Variants in AADAC observed in about 807,000 individuals in gnomAD.
The protein encoded by AADAC is arylacetamide deacetylase, also known as arylacetamide deacetylase (esterase).
A neutral mutation model predicts 22.7 loss-of-function variants in AADAC; 17 were observed. The ratio of observed to expected loss-of-function variants is 0.75; its 90% CI spans 0.51 to 1.12. The LOEUF (loss-of-function observed/expected upper bound fraction) is 1.12. Ranked by LOEUF, AADAC falls within the 50% of genes most tolerant of loss-of-function variation. The pLI is 0.00. For synonymous variants in AADAC, 167 were observed against 176.3 expected (o/e 0.95, Z 0.42); for missense variants, 465 against 473.9 (o/e 0.98, Z 0.17).
At chr3:151,823,113 A>G (rs760131787) in intron 3 of AADAC, among the ~76,000 whole-genome samples, 21 of 151,808 alleles carry the variant, frequency 1.4e-4, no homozygotes, top group Non-Finnish European at 2.2e-4. Context: ...CTCCATCTCT[A>G]CTAAAAATAC....
rs1170803944 is a variant in AADAC, at chr3:151,814,132, T to C, written c.-31T>C. The C allele has an allele frequency of 6.8e-6, 11 of 1,612,414 alleles. No homozygotes were observed. Among genetic ancestry groups the C allele is most frequent in the Non-Finnish European group, 9.3e-6 (11 of 1,178,642 alleles). ...ATATCATGTAGGTTTACTTTCTGTG[T>C]TTCTAGAGACCAAGAAGCGGGACGT... is the stretch of plus-strand genomic sequence containing the variant. On this transcript the variant is annotated 5_prime_UTR_variant, in exon 1 of 5. Transcript: ENST00000232892.
rs35112108 is a variant in AADAC at position 151,828,091 on chromosome 3, T to C, written c.1119T>C (p.His373=). 8.2e-4 allele frequency: 1,321 copies of C among 1,611,712 alleles called. 16 individuals carry two copies. In the African/African-American group the frequency reaches 0.016, roughly 19 times the overall value. The part of the protein sequence containing the change: ...VTHNHVEDGF[H]GAFSFLGLKI... ...ATAACCATGTTGAGGATGGATTCCA[T>C]GGAGCATTTTCATTTCTGGGACTTA... Residue 373 remains histidine (H), a synonymous_variant, in exon 5 of 5, where the codon CAT becomes CAC. Transcript: ENST00000232892.
At chr3:151,819,973 A>G (rs767009781) in intron 2 of AADAC, among the ~76,000 whole-genome samples, 10 of 152,034 alleles carry the variant, frequency 6.6e-5, no homozygotes, top group Admixed American at 2.0e-4. Flanking sequence ...AATTCTGTCT[A>G]TATCTCCTTG....
intron 3 of AADAC, 60 bp downstream of exon 3, chr3:151,820,512 C>CTTTTT (rs368143284): frequency 4.6e-5 from 28 of 615,078 alleles, no homozygotes; most frequent in Non-Finnish European, 4.6e-5. Context: ...ATTTTCTCAG[C>CTTTTT]TTTCTTTTTT....
In AADAC at chr3:151,815,565, AAT is replaced by A. The variant is rs371250140; in HGVS notation, c.138+1268_138+1269del. Among the ~76,000 whole-genome samples, 971 of 152,024 alleles carry A rather than the reference AAT, an allele frequency of 6.4e-3. 10 individuals are homozygous for A. The highest frequency in any genetic ancestry group is 0.022 in the African/African-American group (929 of 41,536). ...CCCTCATATTTGCTGTCTGTGCTAC[AAT>A]ATGTGAGAGGTCTTTGATTTTTTTC... On this transcript the variant is annotated intron_variant, in intron 1 of 4. Transcript: ENST00000232892.
At chr3:151,821,632 G>A (rs1302789187) in intron 3 of AADAC, among the ~76,000 whole-genome samples, 4 of 151,904 alleles carry the variant, frequency 2.6e-5, no homozygotes, top group Admixed American at 1.3e-4. Flanking sequence ...GAAAATCCAA[G>A]CTTATGCTGT....
rs1172573526 is a variant in AADAC at position 151,827,955 on chromosome 3, A to G, written c.983A>G (p.Lys328Arg). The change falls in exon 5 of 5, where the codon AAA becomes AGA. Residue 328 changes from lysine (K) to arginine (R), a missense_variant. Lys to Arg is a conservative substitution (Grantham distance 26, BLOSUM62 2). Coordinates refer to ENST00000232892, the MANE Select transcript of AADAC (RefSeq NM_001086.3). ...RAAPLLADDN[K>R]LRGLPLTYVI... ...GCCCCTTTGTTGGCTGATGACAACA[A>G]ATTACGTGGCTTACCCCTGACCTAT... 3 of 1,611,264 alleles carry G rather than the reference A, an allele frequency of 1.9e-6. No individual in the cohort carries two copies. The highest frequency in any genetic ancestry group is 1.1e-5 in the South Asian group (1 of 90,804).
At chr3:151,827,434 T>G in intron 4 of AADAC, 142 bp from the exon 5 acceptor site, 1 of 483,382 alleles carries the variant, frequency 2.1e-6, no homozygotes, top group Non-Finnish European at 3.4e-6. Context: ...TGGTGGTATG[T>G]TTCATTTATT....
chr3:151,821,770 A>G (rs919117562), intron 3 of AADAC, among the ~76,000 whole-genome samples: 9 of 151,940 alleles, frequency 5.9e-5, no homozygotes, highest in African/African-American at 2.2e-4. Context: ...GAAAGATAAA[A>G]TATACTTTAA....
At position 151,817,524 on chromosome 3, in the gene AADAC, G is replaced by A; in HGVS notation, c.297G>A (p.Lys99=). 1 of 1,613,848 alleles carries A rather than the reference G, an allele frequency of 6.2e-7. No individual in the cohort carries two copies. Residue 99 remains lysine, a synonymous_variant, in exon 2 of 5, where the codon AAG becomes AAA. Transcript: ENST00000232892. The part of the protein sequence containing the change: ...ILVRVYVPKR[K]SEALRRGLFY... ...TTCGGGTATATGTGCCAAAGAGAAAGTCTGAAGCACTAAGAAGGGGGTTGT... is the reference window on the plus strand; with the variant it reads ...TTCGGGTATATGTGCCAAAGAGAAAATCTGAAGCACTAAGAAGGGGGTTGT...
At chr3:151,821,167 T>C (rs1044870042) in intron 3 of AADAC, among the ~76,000 whole-genome samples, 2 of 151,798 alleles carry the variant, frequency 1.3e-5, no homozygotes, top group African/African-American at 4.8e-5. Context: ...CTGTGAAGAG[T>C]AAGTGATAAC....
chr3:151,824,596 C>T (rs1560312995), intron 3 of AADAC, 67 bp from the exon 4 acceptor site: 1 of 1,268,552 alleles, frequency 7.9e-7, no homozygotes, highest in East Asian at 2.8e-5. Flanking sequence ...TACTTTTGCA[C>T]CAATAATATA....
At chr3:151,825,723 T>G (rs1194928491) in intron 4 of AADAC, among the ~76,000 whole-genome samples, 3 of 152,010 alleles carry the variant, frequency 2.0e-5, no homozygotes, top group African/African-American at 7.2e-5. Context: ...ATGGCATTTT[T>G]GTCCCAGATT....
chr3:151,828,152 T>G lies in AADAC; in HGVS notation c.1180T>G (p.Trp394Gly). 6.5e-7 allele frequency: 1 copy of G among 1,548,492 alleles called. No individual in the cohort carries two copies. The highest frequency in any genetic ancestry group is 8.8e-7 in the Non-Finnish European group (1 of 1,140,532). ...CAGACTTATAAATCAGTATATTGAG[T>G]GGCTAAAGGAAAATCTATAGTAAAA... ...SHRLINQYIE[W>G]LKENL is the part of the protein sequence containing the mutation. Residue 394 changes from tryptophan to glycine, a missense_variant, in exon 5 of 5, where the codon TGG becomes GGG. Physicochemically the swap from Trp to Gly is radical, Grantham distance 184. Transcript: ENST00000232892.
chr3:151,816,234 C>T (rs148083666), intron 1 of AADAC, among the ~76,000 whole-genome samples: 2 of 152,022 alleles, frequency 1.3e-5, no homozygotes, highest in South Asian at 4.1e-4. Flanking sequence ...CCATGTGCAA[C>T]CAGCTCCATA....
intron 3 of AADAC, among the ~76,000 whole-genome samples, chr3:151,822,019 AAGAT>A (rs1716273311): frequency 1.3e-5 from 2 of 151,914 alleles, no homozygotes; most frequent in Admixed American, 6.6e-5. Context: ...CCAATATTAA[AAGAT>A]AGATAATTTT....
intron 2 of AADAC, among the ~76,000 whole-genome samples, chr3:151,818,098 G>T (rs559916812): frequency 1.3e-5 from 2 of 151,604 alleles, no homozygotes; most frequent in Non-Finnish European, 2.9e-5. Context: ...AAAATTAGCC[G>T]GGTGTGGTGG....
Position 151,828,317 on chromosome 3 carries a change from TCTTA to T in AADAC, c.*148_*151del. 2.2e-6 allele frequency: 1 copy of T among 450,300 alleles called. No individual in the cohort carries two copies. Among genetic ancestry groups the T allele is most frequent in the Non-Finnish European group, 3.8e-6 (1 of 263,800 alleles). 27.9% of individuals were successfully genotyped at this position (450,300 alleles called of 1,614,324 possible). On this transcript the variant is annotated 3_prime_UTR_variant, in exon 5 of 5. Transcript: ENST00000232892. Reference sequence around the variant, plus strand: ...AATAGGCACTTTTCTGTTTTTTTTTTCTTACTGTGGGATTTCATTTCAATTTTCT... The same window carrying T: ...AATAGGCACTTTTCTGTTTTTTTTTTCTGTGGGATTTCATTTCAATTTTCT...
chr3:151,816,000 C>A (rs550354437), intron 1 of AADAC, among the ~76,000 whole-genome samples: 2 of 151,924 alleles, frequency 1.3e-5, no homozygotes, highest in African/African-American at 4.8e-5. Flanking sequence ...TAGGCATGGA[C>A]GACATATTTA....
Sources: gnomAD v4.1 joint callset for allele counts (sites outside exome capture counted in the v4.1 genomes callset) on GRCh38, gnomAD v4.1.1 for gene constraint, MANE v1.5 for transcripts, NCBI Gene and HGNC (gene_info 2026-07-23, HGNC 2026-07-21) for gene names.